CNTN5: variants seen among roughly 807,000 people sequenced by gnomAD.
CNTN5 encodes contactin-5.
CNTN5 carries 77 observed loss-of-function variants against 129.1 expected under a neutral mutation model. The ratio of observed to expected loss-of-function variants is 0.60; its 90% CI spans 0.50 to 0.72. CNTN5 has a LOEUF of 0.72. CNTN5 is among the 30% of genes least tolerant of loss of function. The probability of loss-of-function intolerance (pLI) is 0.00; values close to 1 mark genes in which losing one functional copy is unlikely to be tolerated. For missense variants in CNTN5, 1,478 were observed against 1,328.8 expected (o/e 1.11, Z -1.75); for synonymous variants, 509 against 465.6 (o/e 1.09, Z -1.20).
chr11:99,295,669 G>A (rs1296507316), intron 1 of CNTN5, among the ~76,000 whole-genome samples: 1 of 151,852 alleles, frequency 6.6e-6, no homozygotes, highest in Non-Finnish European at 1.5e-5. Flanking sequence ...GAGGTCAGGA[G>A]ATCGAGACCA....
intron 3 of CNTN5, among the ~76,000 whole-genome samples, chr11:99,658,204 G>A (rs1046824404): frequency 1.3e-5 from 2 of 152,112 alleles, no homozygotes; most frequent in Non-Finnish European, 2.9e-5. Context: ...GCAGAGCAAG[G>A]TAAGTGGATA....
At chr11:99,958,706 A>T (rs1247888082) in intron 8 of CNTN5, among the ~76,000 whole-genome samples, 1 of 152,196 alleles carries the variant, frequency 6.6e-6, no homozygotes, top group African/African-American at 2.4e-5. Flanking sequence ...GCTTTGAATT[A>T]ATTCTCTATA....
Position 100,358,340 on chromosome 11 carries a change from G to T in CNTN5, c.*2120G>T, listed in dbSNP as rs1189153080. 1 of 151,738 alleles carries T rather than the reference G, an allele frequency of 6.6e-6. No individual in the cohort carries two copies. The highest frequency in any genetic ancestry group is 2.4e-5 in the African/African-American group (1 of 41,368). 9.4% of individuals were successfully genotyped at this position (151,738 alleles called of 1,614,324 possible). A position where few individuals can be genotyped will look rare whatever the true frequency, so the allele number is the denominator to read the frequency against. ...CAATATTTTTAATTAGCTGATGGAT[G>T]GTACGTATCTGACAGAGTATTTACA... On this transcript the variant is annotated 3_prime_UTR_variant, in exon 25 of 25. Transcript: ENST00000524871.
chr11:99,843,819 C>A (rs947108220), intron 4 of CNTN5, among the ~76,000 whole-genome samples: 4 of 152,084 alleles, frequency 2.6e-5, no homozygotes, highest in African/African-American at 9.7e-5. Context: ...TGATCTAGGG[C>A]TATTATGTGA....
chr11:99,589,627 A>T (rs1438613165), intron 3 of CNTN5, among the ~76,000 whole-genome samples: 1 of 152,208 alleles, frequency 6.6e-6, no homozygotes, highest in Admixed American at 6.5e-5. Flanking sequence ...AAGTATATTG[A>T]TGTTCATAAA....
At chr11:99,491,131 T>A (rs1460288411) in intron 2 of CNTN5, among the ~76,000 whole-genome samples, 1 of 152,102 alleles carries the variant, frequency 6.6e-6, no homozygotes, top group Non-Finnish European at 1.5e-5. Context: ...CTCCTTTAGT[T>A]TCCAAGCAAA....
chr11:100,058,360 C>G (rs1943323602), intron 9 of CNTN5, among the ~76,000 whole-genome samples: 1 of 152,040 alleles, frequency 6.6e-6, no homozygotes, highest in Non-Finnish European at 1.5e-5. Flanking sequence ...AATATTCTGG[C>G]TTGTTTACCA....
At chr11:99,522,581 A>G (rs924118583) in intron 2 of CNTN5, among the ~76,000 whole-genome samples, 4 of 152,204 alleles carry the variant, frequency 2.6e-5, no homozygotes, top group Admixed American at 6.5e-5. Context: ...GAGCTGAGTT[A>G]TTTGGAGAAT....
chr11:99,612,138 A>G (rs1591360040), intron 3 of CNTN5, among the ~76,000 whole-genome samples: 1 of 152,214 alleles, frequency 6.6e-6, no homozygotes, highest in East Asian at 1.9e-4. Flanking sequence ...GGTACATCAT[A>G]TTATTTAGAC....
chr11:99,932,537 T>C, intron 7 of CNTN5, among the ~76,000 whole-genome samples: 1 of 152,186 alleles, frequency 6.6e-6, no homozygotes, highest in East Asian at 1.9e-4. Flanking sequence ...ATAACTATAG[T>C]ATATGTATAC....
rs985792196 is a variant in CNTN5, at chr11:99,588,254, G to C, written c.55+31985G>C. 6.1e-5 allele frequency among the ~76,000 whole-genome samples: 9 copies of C among 148,274 alleles called. No individual in the cohort carries two copies. In the East Asian group the frequency reaches 1.9e-3, roughly 31 times the overall value. On this transcript the variant is annotated intron_variant, in intron 3 of 24. Transcript: ENST00000524871. ...AGCTACTCAGGAGGCTGAGGCAGGA[G>C]AATGGCGTGAACCCAGGAGGCAGAG... is the stretch of plus-strand genomic sequence containing the variant.
At chr11:99,125,354 A>AAAC (rs958039186) in intron 1 of CNTN5, among the ~76,000 whole-genome samples, 1 of 151,360 alleles carries the variant, frequency 6.6e-6, no homozygotes, top group African/African-American at 2.4e-5. Flanking sequence ...TAAAAAAAAA[A>AAAC]CCAGATTATT....
intron 1 of CNTN5, among the ~76,000 whole-genome samples, chr11:99,119,892 T>C (rs2135404104): frequency 6.6e-6 from 1 of 152,300 alleles, no homozygotes; most frequent in Admixed American, 6.5e-5. Flanking sequence ...ACTGAGTTTT[T>C]CTTTCGTATG....
At chr11:99,432,178 G>T (rs1261357392) in intron 2 of CNTN5, among the ~76,000 whole-genome samples, 1 of 152,134 alleles carries the variant, frequency 6.6e-6, no homozygotes, top group Non-Finnish European at 1.5e-5. Flanking sequence ...GCGGGCCTAA[G>T]ATTTTATTTT....
chr11:100,036,182 A>G (rs1018717145), intron 9 of CNTN5, among the ~76,000 whole-genome samples: 2 of 152,210 alleles, frequency 1.3e-5, no homozygotes, highest in Non-Finnish European at 2.9e-5. Context: ...AGCTTTCTAC[A>G]TATGGCTAGC....
In CNTN5 at chr11:99,401,670, G is replaced by A. The variant is rs183815856; in HGVS notation, c.-71+76186G>A. Among the ~76,000 whole-genome samples, 25 of 152,192 alleles carry A rather than the reference G, an allele frequency of 1.6e-4. No individual in the cohort carries two copies. In the East Asian group the frequency reaches 4.8e-3, roughly 29 times the overall value. ...GCATTGAATCTGTAGATTGCTGTGGGTAGTATGGACATTTTAACAATATTG... is the reference window on the plus strand; with the variant it reads ...GCATTGAATCTGTAGATTGCTGTGGATAGTATGGACATTTTAACAATATTG... On this transcript the variant is annotated intron_variant, in intron 2 of 24. Transcript: ENST00000524871.
intron 21 of CNTN5, chr11:100,337,716 C>G (rs1409510767): frequency 4.1e-6 from 2 of 484,756 alleles, no homozygotes; most frequent in African/African-American, 3.9e-5. Context: ...AGCCAGGTGG[C>G]TTCTAGAAGT....
At chr11:99,318,319 C>T (rs780247810) in intron 1 of CNTN5, among the ~76,000 whole-genome samples, 1 of 152,106 alleles carries the variant, frequency 6.6e-6, no homozygotes, top group Non-Finnish European at 1.5e-5. Flanking sequence ...TGATTTTATG[C>T]AGCTAATTAA....
At chr11:100,040,449 T>G (rs978188596) in intron 9 of CNTN5, among the ~76,000 whole-genome samples, 1 of 152,210 alleles carries the variant, frequency 6.6e-6, no homozygotes, top group Non-Finnish European at 1.5e-5. Flanking sequence ...CTTCCCATTC[T>G]CAGATCTCAA....
Sources: gnomAD v4.1 joint callset for allele counts (sites outside exome capture counted in the v4.1 genomes callset) on GRCh38, gnomAD v4.1.1 for gene constraint, MANE v1.5 for transcripts, NCBI Gene and HGNC (gene_info 2026-07-23, HGNC 2026-07-21) for gene names.